GASK1A: variants seen among roughly 807,000 people sequenced by gnomAD.
The protein encoded by GASK1A is Golgi-associated kinase 1A.
Under a neutral mutation model 41.2 loss-of-function variants are expected in GASK1A, and 40 were observed. That is an observed-to-expected ratio of 0.97 (90% confidence interval 0.75 to 1.27). GASK1A has a LOEUF of 1.27. GASK1A is among the 50% of genes most tolerant of loss of function. The probability of loss-of-function intolerance (pLI) is 0.00; values close to 1 mark genes in which losing one functional copy is unlikely to be tolerated. For missense variants in GASK1A, 678 were observed against 745.1 expected, an observed-to-expected ratio of 0.91 and a Z score of 1.05; for synonymous variants, 316 against 307.1, an observed-to-expected ratio of 1.03 and a Z score of -0.30.
chr3:43,036,600 C>T (rs2089605745), intron 2 of GASK1A, among the ~76,000 whole-genome samples: 1 of 152,246 alleles, frequency 6.6e-6, no homozygotes. Flanking sequence ...TGAAATAACA[C>T]TGTGTAACAA....
At chr3:43,020,460 C>G (rs937165511) in intron 1 of GASK1A, among the ~76,000 whole-genome samples, 4 of 152,132 alleles carry the variant, frequency 2.6e-5, no homozygotes, top group African/African-American at 9.7e-5. Context: ...GCCTAAGCCC[C>G]ATTTGTAGAG....
At chr3:43,014,057 T>C (rs1412012119) in intron 1 of GASK1A, among the ~76,000 whole-genome samples, 1 of 112,772 alleles carries the variant, frequency 8.9e-6, no homozygotes, top group Non-Finnish European at 1.8e-5. Flanking sequence ...GGTGGTGTGA[T>C]GCCACAGGAA....
chr3:42,990,345 G>A (rs1274832027), intron 1 of GASK1A, among the ~76,000 whole-genome samples: 15 of 137,932 alleles, frequency 1.1e-4, no homozygotes, highest in African/African-American at 3.3e-4. Context: ...GTGAGACCCC[G>A]TCTCAAAAAA....
chr3:42,979,846 C>T (rs2089273747), intron 1 of GASK1A, among the ~76,000 whole-genome samples: 1 of 152,088 alleles, frequency 6.6e-6, no homozygotes, highest in Non-Finnish European at 1.5e-5. Context: ...TCCTGCCGCT[C>T]TTAGTGGGGC....
chr3:43,015,905 G>C (rs2089488667), intron 1 of GASK1A, among the ~76,000 whole-genome samples: 1 of 151,982 alleles, frequency 6.6e-6, no homozygotes, highest in Admixed American at 6.5e-5. Flanking sequence ...CACAGGGAGG[G>C]GCAGTGTGAA....
chr3:43,037,408 C>A, intron 2 of GASK1A: 1 of 940,660 alleles, frequency 1.1e-6, no homozygotes, highest in Non-Finnish European at 1.7e-6. Flanking sequence ...CCTTGCCACA[C>A]AGAAGCTGCT....
intron 2 of GASK1A, among the ~76,000 whole-genome samples, chr3:43,040,502 T>C (rs1361387261): frequency 1.3e-5 from 2 of 152,142 alleles, no homozygotes; most frequent in Non-Finnish European, 2.9e-5. Context: ...CCTTTTGGGA[T>C]TTTCTTGAAA....
At chr3:43,056,148 T>C (rs1455323462) in intron 4 of GASK1A, 28 bp from the exon 5 acceptor site, 1 of 1,514,016 alleles carries the variant, frequency 6.6e-7, no homozygotes, top group South Asian at 1.2e-5. Context: ...TTTCTTTCTG[T>C]TACGGGGCTC....
intron 1 of GASK1A, among the ~76,000 whole-genome samples, chr3:43,023,598 GT>G (rs1461758756): frequency 6.6e-6 from 1 of 152,154 alleles, no homozygotes; most frequent in Non-Finnish European, 1.5e-5. Context: ...TGGTATATGG[GT>G]TTTTAACAGT....
In GASK1A at chr3:43,055,540, G is replaced by C; in HGVS notation, c.1517+5G>C. ...GCTGCTGGAGGGCATAGATGGGTGA[G>C]GGTCAAAAGGGTTGGGTGGAAGTTC... On this transcript the variant is annotated splice_donor_5th_base_variant and intron_variant, in intron 4 of 4. Coordinates refer to ENST00000430121, the MANE Select transcript of GASK1A (RefSeq NM_001129908.3). The C allele has an allele frequency of 6.5e-7, 1 of 1,547,796 alleles. No individual in the cohort carries two copies. The highest frequency in any genetic ancestry group is 8.7e-7 in the Non-Finnish European group (1 of 1,143,278).
In GASK1A at chr3:43,056,353, C is replaced by T. The variant is rs1417106446; in HGVS notation, c.1695C>T (p.His565=). The change falls in exon 5 of 5, where the codon CAC becomes CAT. Residue 565 remains histidine, a synonymous_variant. Coordinates refer to ENST00000430121, the MANE Select transcript of GASK1A (RefSeq NM_001129908.3). ...TGCTGCTGGGACACATCCAAAAGCA[C>T]AACCTCACACTCTTCAGGGACGAGG... ...GQVLLGHIQK[H]NLTLFRDEDP 1 of 1,550,738 alleles carries T rather than the reference C, an allele frequency of 6.4e-7. No homozygotes were observed.
At chr3:43,002,809 T>C (rs2089416985) in intron 1 of GASK1A, among the ~76,000 whole-genome samples, 1 of 152,238 alleles carries the variant, frequency 6.6e-6, no homozygotes. Flanking sequence ...AAATTTCCTA[T>C]GTGGTTCACA....
At chr3:43,015,481 G>A (rs1331612049) in intron 1 of GASK1A, among the ~76,000 whole-genome samples, 3 of 151,556 alleles carry the variant, frequency 2.0e-5, no homozygotes, top group Non-Finnish European at 2.9e-5. Flanking sequence ...GGAAGGGGCA[G>A]TGTGAAGCCA....
In GASK1A at chr3:43,017,041, GTGT is replaced by G. The variant is rs377186268; in HGVS notation, c.4-15222_4-15220del. Among the ~76,000 whole-genome samples the G allele has an allele frequency of 5.3e-3, 806 of 152,102 alleles. 7 individuals carry two copies. Among genetic ancestry groups the G allele is most frequent in the African/African-American group, 0.018 (759 of 41,486 alleles). The stretch of plus-strand genomic sequence containing the variant: ...ACAGGACCATGTAAAGTCACAGGAA[GTGT>G]TGTGTGAAGCCACAGGAAGGGGCAT... On this transcript the variant is annotated intron_variant, in intron 1 of 4. Coordinates refer to ENST00000430121, the MANE Select transcript of GASK1A (RefSeq NM_001129908.3).
In GASK1A at chr3:43,056,171, T is replaced by A. The variant is rs1260656552; in HGVS notation, c.1518-5T>A. ...TGTTACGGGGCTCTGGGGCCTTTGCTCCAGGTTTCCTGAGTCTGCCGTGAA... is the reference window on the plus strand; with the variant it reads ...TGTTACGGGGCTCTGGGGCCTTTGCACCAGGTTTCCTGAGTCTGCCGTGAA... On this transcript the variant is annotated splice_polypyrimidine_tract_variant and splice_region_variant and intron_variant, in intron 4 of 4. Coordinates refer to ENST00000430121, the MANE Select transcript of GASK1A (RefSeq NM_001129908.3). 1.9e-6 allele frequency: 3 copies of A among 1,548,022 alleles called. No individual in the cohort carries two copies. The highest frequency in any genetic ancestry group is 1.7e-6 in the Non-Finnish European group (2 of 1,144,422).
chr3:43,019,576 A>T (rs998351051), intron 1 of GASK1A, among the ~76,000 whole-genome samples: 5 of 152,186 alleles, frequency 3.3e-5, no homozygotes, highest in African/African-American at 1.2e-4. Flanking sequence ...GACAAACTGC[A>T]CTTTAAGAAA....
At chr3:43,050,057 A>AAC (rs2089681910) in intron 2 of GASK1A, among the ~76,000 whole-genome samples, 3 of 29,638 alleles carry the variant, frequency 1.0e-4, no homozygotes, top group Non-Finnish European at 1.8e-4. Flanking sequence ...AGTCCAGAAC[A>AAC]AAAAAAAATA....
At chr3:43,030,831 G>A (rs1415587787) in intron 1 of GASK1A, among the ~76,000 whole-genome samples, 1 of 152,124 alleles carries the variant, frequency 6.6e-6, no homozygotes, top group Non-Finnish European at 1.5e-5. Flanking sequence ...GGTGGATTGT[G>A]GGGGATAGAG....
intron 2 of GASK1A, among the ~76,000 whole-genome samples, chr3:43,039,012 A>G (rs76331488): frequency 0.018 from 2,578 of 142,282 alleles, 39 homozygotes; most frequent in East Asian, 0.066. Flanking sequence ...CTTTTAGTAT[A>G]AAAAAAAAGA....
Sources: allele counts gnomAD v4.1 joint callset (sites outside exome capture counted in the v4.1 genomes callset), GRCh38; gene constraint gnomAD v4.1.1; transcripts MANE v1.5; gene names NCBI Gene and HGNC (gene_info 2026-07-23, HGNC 2026-07-21).